SHB: variants seen among roughly 807,000 people sequenced by gnomAD.
SHB encodes the protein SH2 domain containing adaptor protein B, also known as SH2 domain-containing adapter protein B.
In SHB, 20 loss-of-function variants were observed where a neutral mutation model predicts 52.3. The observed-to-expected ratio is 0.38, with a 90% CI of 0.27 to 0.56. The LOEUF is 0.56. Ranked by LOEUF, SHB falls within the 20% of genes least tolerant of loss-of-function variation. The pLI, the probability that SHB is intolerant of heterozygous loss-of-function variation, is 0.71. For missense variants in SHB, 825 were observed against 723.3 expected, an observed-to-expected ratio of 1.14 and a Z score of -1.61; for synonymous variants, 397 against 316.5, an observed-to-expected ratio of 1.25 and a Z score of -2.70.
intron 2 of SHB, chr9:38,015,556 A>G: frequency 2.9e-6 from 2 of 690,514 alleles, no homozygotes; most frequent in Non-Finnish European, 5.3e-6. Flanking sequence ...GCCAGAAATA[A>G]TTTTGTCTCT....
At chr9:37,991,898 G>C (rs1213396700) in intron 2 of SHB, among the ~76,000 whole-genome samples, 1 of 152,202 alleles carries the variant, frequency 6.6e-6, no homozygotes, top group Non-Finnish European at 1.5e-5. Flanking sequence ...GGATCTGAAG[G>C]GGTTACAGGC....
intron 1 of SHB, among the ~76,000 whole-genome samples, chr9:38,050,751 T>G (rs1821728181): frequency 6.6e-6 from 1 of 152,142 alleles, no homozygotes; most frequent in Non-Finnish European, 1.5e-5. Context: ...CCAATACTCT[T>G]AAGTGTCTGC....
intron 3 of SHB, among the ~76,000 whole-genome samples, chr9:37,966,058 C>T (rs1393091540): frequency 5.9e-5 from 9 of 152,150 alleles, no homozygotes; most frequent in Non-Finnish European, 1.0e-4. Context: ...AGGCTGGTCT[C>T]GAGCTCCTGA....
chr9:37,982,973 G>GCCCC (rs58267859), intron 2 of SHB, among the ~76,000 whole-genome samples: 14,957 of 144,664 alleles, frequency 0.1, 950 homozygotes, highest in Non-Finnish European at 0.13. Context: ...CCTCTCTGGT[G>GCCCC]CCCCCCCCTC....
chr9:37,987,561 T>C (rs936089455), intron 2 of SHB, among the ~76,000 whole-genome samples: 1 of 152,194 alleles, frequency 6.6e-6, no homozygotes, highest in Admixed American at 6.5e-5. Flanking sequence ...TCTGTCCGGA[T>C]CCCACAAGGT....
chr9:38,020,294 GGCTTGGAAC>G (rs1821265777), intron 1 of SHB, among the ~76,000 whole-genome samples: 1 of 152,224 alleles, frequency 6.6e-6, no homozygotes, highest in African/African-American at 2.4e-5. Flanking sequence ...AGACAGGAAT[GGCTTGGAAC>G]GCTTGTTAAG....
chr9:38,014,328 G>C (rs1821182847), intron 2 of SHB, among the ~76,000 whole-genome samples: 1 of 152,266 alleles, frequency 6.6e-6, no homozygotes, highest in African/African-American at 2.4e-5. Flanking sequence ...AGAGCTGTAG[G>C]GAGGTGCAGG....
intron 2 of SHB, among the ~76,000 whole-genome samples, chr9:38,002,087 G>A (rs975409123): frequency 9.2e-5 from 14 of 152,114 alleles, no homozygotes; most frequent in African/African-American, 3.4e-4. Context: ...GGCTGACCCT[G>A]GGTGGGTCAC....
At chr9:38,009,600 C>T (rs962552400) in intron 2 of SHB, among the ~76,000 whole-genome samples, 36 of 152,250 alleles carry the variant, frequency 2.4e-4, no homozygotes, top group African/African-American at 8.2e-4. Context: ...ACAATTGGAA[C>T]ATCGTCTTTA....
Position 38,069,068 on chromosome 9 carries a change from C to T in SHB, c.-423G>A, listed in dbSNP as rs1197172262. On this transcript the variant is annotated 5_prime_UTR_variant, in exon 1 of 6. Coordinates refer to ENST00000377707, the MANE Select transcript of SHB (RefSeq NM_003028.3). Reference sequence around the variant, plus strand: ...GCTGCCGCGGGAACTTCTCGGCGTCCTCGGCTCCCTTCTTCCTTCCTGCGA... The same window carrying T: ...GCTGCCGCGGGAACTTCTCGGCGTCTTCGGCTCCCTTCTTCCTTCCTGCGA... 1 of 151,872 alleles carries T rather than the reference C, an allele frequency of 6.6e-6. No individual in the cohort carries two copies. 9.4% of individuals were successfully genotyped at this position (151,872 alleles called of 1,614,324 possible).
chr9:38,062,608 A>C (rs373873169), intron 1 of SHB, among the ~76,000 whole-genome samples: 2 of 152,144 alleles, frequency 1.3e-5, no homozygotes, highest in East Asian at 3.9e-4. Flanking sequence ...GCCATCCTAA[A>C]CCAGCCCACC....
At chr9:37,976,339 A>G (rs1234453417) in intron 2 of SHB, among the ~76,000 whole-genome samples, 1 of 152,174 alleles carries the variant, frequency 6.6e-6, no homozygotes, top group Non-Finnish European at 1.5e-5. Flanking sequence ...CCCAGCCAAC[A>G]TTGACCATTT....
intron 1 of SHB, among the ~76,000 whole-genome samples, chr9:38,046,233 G>A (rs1474973524): frequency 3.9e-5 from 6 of 152,168 alleles, no homozygotes; most frequent in Non-Finnish European, 7.4e-5. Context: ...GTTGGGCAAA[G>A]CTTCACTTCT....
chr9:37,928,113 CT>C (rs1050070473), intron 5 of SHB, among the ~76,000 whole-genome samples: 9 of 152,316 alleles, frequency 5.9e-5, no homozygotes, highest in African/African-American at 2.2e-4. Flanking sequence ...TCCCCTCCCC[CT>C]GGGCCTCAGC....
intron 5 of SHB, among the ~76,000 whole-genome samples, chr9:37,922,308 C>T (rs1287020238): frequency 6.6e-6 from 1 of 152,218 alleles, no homozygotes; most frequent in Non-Finnish European, 1.5e-5. Context: ...CGGCATCTGG[C>T]AAGGGAAGTG....
chr9:37,957,589 A>C (rs1832650212), intron 3 of SHB, among the ~76,000 whole-genome samples: 1 of 152,216 alleles, frequency 6.6e-6, no homozygotes, highest in South Asian at 2.1e-4. Context: ...CCTGCTACCC[A>C]GCAGTGACAC....
intron 1 of SHB, among the ~76,000 whole-genome samples, chr9:38,052,231 G>A (rs926688129): frequency 7.9e-5 from 12 of 151,214 alleles, no homozygotes; most frequent in Admixed American, 7.9e-4. Context: ...AGTCCCCCAC[G>A]TCTTTCCTCA....
chr9:37,931,498 A>C (rs1278763867), intron 5 of SHB, among the ~76,000 whole-genome samples: 1 of 152,282 alleles, frequency 6.6e-6, no homozygotes, highest in Non-Finnish European at 1.5e-5. Flanking sequence ...GGTGTTCAAC[A>C]TCAGCAATCA....
At chr9:38,007,151 G>A (rs1470872865) in intron 2 of SHB, among the ~76,000 whole-genome samples, 1 of 152,238 alleles carries the variant, frequency 6.6e-6, no homozygotes, top group Non-Finnish European at 1.5e-5. Context: ...TAGCCACCCA[G>A]TCAATGAATG....
Sources: allele counts gnomAD v4.1 joint callset (sites outside exome capture counted in the v4.1 genomes callset), GRCh38; gene constraint gnomAD v4.1.1; transcripts MANE v1.5; gene names NCBI Gene and HGNC (gene_info 2026-07-23, HGNC 2026-07-21).